Variants in SMG7 observed in about 807,000 individuals in gnomAD.
SMG7 encodes the protein SMG7 nonsense mediated mRNA decay factor, also known as nonsense-mediated mRNA decay factor SMG7.
SMG7 carries 34 observed loss-of-function variants against 148.2 expected under a neutral mutation model. The ratio of observed to expected loss-of-function variants is 0.23; its 90% CI spans 0.17 to 0.31. The LOEUF is 0.31. Among genes scored for constraint, SMG7 ranks in the 10% least tolerant of loss-of-function variants. SMG7 has a pLI of 1.00. For missense variants in SMG7, 1,114 were observed against 1,408.4 expected (o/e 0.79, Z 3.35); for synonymous variants, 492 against 515.1 (o/e 0.96, Z 0.61).
At position 183,512,182 on chromosome 1, in the gene SMG7, C is replaced by G. The variant is rs560709223; in HGVS notation, c.30-655C>G. Reference sequence around the variant, plus strand: ...GATCCAAATGAAGTGAGGGAAGTCTCAAAATTGGTGCAAGGGAAGGGGTAA... The same window carrying G: ...GATCCAAATGAAGTGAGGGAAGTCTGAAAATTGGTGCAAGGGAAGGGGTAA... On this transcript the variant is annotated intron_variant, in intron 1 of 22. Coordinates refer to ENST00000688051, the MANE Select transcript of SMG7 (RefSeq NM_001375584.1). Among the ~76,000 whole-genome samples, 4 of 152,134 alleles carry G rather than the reference C, an allele frequency of 2.6e-5. No individual in the cohort carries two copies. The South Asian group carries it at 8.3e-4, about 32-fold the overall frequency.
Position 183,533,814 on chromosome 1 carries a change from T to C in SMG7, c.1145T>C (p.Val382Ala), listed in dbSNP as rs1379953822. The C allele has an allele frequency of 6.2e-7, 1 of 1,610,702 alleles. No individual in the cohort carries two copies. The highest frequency in any genetic ancestry group is 8.5e-7 in the Non-Finnish European group (1 of 1,178,102). The change falls in exon 10 of 23, where the codon GTG becomes GCG. Residue 382 changes from valine to alanine, a missense_variant. By Grantham distance (64) the Val-to-Ala change is moderately conservative. Coordinates refer to ENST00000688051, the MANE Select transcript of SMG7 (RefSeq NM_001375584.1). ...RLRPRVFQEAVVDERQYIWPW... is the reference protein window; with the variant it reads ...RLRPRVFQEAAVDERQYIWPW... ...AGACCCAGGGTCTTTCAGGAGGCAG[T>C]GGTGGATGAAAGACAGTAGTAAGTA... is the stretch of plus-strand genomic sequence containing the variant.
Position 183,553,773 on chromosome 1 carries a change from C to G in SMG7, c.*1842C>G, listed in dbSNP as rs1671448807. ...TTCCCTGTGTCCACCTTTCTCTCCTCTTCCCAAGCCTTTTTCCTACTACCT... is the reference window on the plus strand; with the variant it reads ...TTCCCTGTGTCCACCTTTCTCTCCTGTTCCCAAGCCTTTTTCCTACTACCT... On this transcript the variant is annotated 3_prime_UTR_variant, in exon 23 of 23. Coordinates refer to ENST00000688051, the MANE Select transcript of SMG7 (RefSeq NM_001375584.1). 6.5e-6 allele frequency: 1 copy of G among 152,972 alleles called. No homozygotes were observed. 9.5% of individuals were successfully genotyped at this position (152,972 alleles called of 1,614,324 possible).
At chr1:183,478,471 C>G (rs1247427433) in intron 1 of SMG7, among the ~76,000 whole-genome samples, 3 of 152,076 alleles carry the variant, frequency 2.0e-5, no homozygotes, top group Non-Finnish European at 1.5e-5. Flanking sequence ...TTCTGCTTCC[C>G]TTGTGGTTTC....
intron 1 of SMG7, among the ~76,000 whole-genome samples, chr1:183,489,760 A>G (rs1038163238): frequency 6.6e-6 from 1 of 152,224 alleles, no homozygotes; most frequent in Non-Finnish European, 1.5e-5. Context: ...AGTAATAAAG[A>G]TCAACTTCTA....
At chr1:183,515,382 A>C (rs1381498871) in intron 2 of SMG7, among the ~76,000 whole-genome samples, 1 of 152,176 alleles carries the variant, frequency 6.6e-6, no homozygotes, top group African/African-American at 2.4e-5. Context: ...TAATCAGCTG[A>C]TGTGAGAATT....
chr1:183,543,026 G>T (rs1269377299), intron 14 of SMG7, among the ~76,000 whole-genome samples: 4 of 149,788 alleles, frequency 2.7e-5, no homozygotes, highest in Admixed American at 1.3e-4. Flanking sequence ...ACTTGTCCCG[G>T]CTATTGGTAT....
In SMG7 at chr1:183,528,983, G is replaced by T; in HGVS notation, c.648G>T (p.Lys216Asn). 1 of 1,613,570 alleles carries T rather than the reference G, an allele frequency of 6.2e-7. No individual in the cohort carries two copies. The highest frequency in any genetic ancestry group is 8.5e-7 in the Non-Finnish European group (1 of 1,179,642). Residue 216 changes from lysine (K) to asparagine (N), a missense_variant, in exon 7 of 23, where the codon AAG becomes AAT. This residue lies in a region of SMG7 where 216 missense variants were observed against 329.1 expected (regional missense o/e 0.66). Transcript: ENST00000688051. Reference protein sequence around the residue: ...IFYYCRSIAVKFPFPAASTNL... With the variant: ...IFYYCRSIAVNFPFPAASTNL... The stretch of plus-strand genomic sequence containing the variant: ...ACTACTGCAGAAGCATTGCTGTGAA[G>T]TTCCCTTTCCCAGCTGCCTCCACTA...
intron 5 of SMG7, 140 bp downstream of exon 5, chr1:183,526,907 A>G (rs1665980556): frequency 1.6e-6 from 1 of 635,632 alleles, no homozygotes; most frequent in East Asian, 3.2e-5. Flanking sequence ...AATGTATTCT[A>G]AGGAACTTAA....
Position 183,554,077 on chromosome 1 carries a change from C to A in SMG7, c.*2146C>A, listed in dbSNP as rs1210674648. 1 of 152,530 alleles carries A rather than the reference C, an allele frequency of 6.6e-6. No individual in the cohort carries two copies. Among genetic ancestry groups the A allele is most frequent in the East Asian group, 1.9e-4 (1 of 5,176 alleles). The allele number at this position is 152,530 out of a possible 1,614,324, so 9.4% of individuals were successfully genotyped here. A position where few individuals can be genotyped will look rare whatever the true frequency, so the allele number is the denominator to read the frequency against. ...AAACTGGTTTTGTGTAGTAAACTTT[C>A]TTTTGTGGTTTTTTGTTTTGTTTTC... is the stretch of plus-strand genomic sequence containing the variant. On this transcript the variant is annotated 3_prime_UTR_variant, in exon 23 of 23. Coordinates refer to ENST00000688051, the MANE Select transcript of SMG7 (RefSeq NM_001375584.1).
At chr1:183,516,379 A>G (rs1045364778) in intron 3 of SMG7, among the ~76,000 whole-genome samples, 7 of 152,360 alleles carry the variant, frequency 4.6e-5, no homozygotes, top group East Asian at 1.9e-4. Flanking sequence ...ACGTGATTCT[A>G]TAATTTCCCT....
intron 1 of SMG7, among the ~76,000 whole-genome samples, chr1:183,505,008 T>A (rs1660581131): frequency 6.6e-6 from 1 of 152,106 alleles, no homozygotes; most frequent in African/African-American, 2.4e-5. Context: ...TATTTTCTCC[T>A]ATTTTTTATT....
intron 6 of SMG7, 150 bp from the exon 7 acceptor site, chr1:183,528,742 G>A: frequency 1.5e-6 from 1 of 651,672 alleles, no homozygotes; most frequent in Non-Finnish European, 2.7e-6. Context: ...TGTGCTGTTG[G>A]ACCTTACGCT....
At chr1:183,529,116 G>A in intron 7 of SMG7, 74 bp downstream of exon 7, 1 of 1,427,076 alleles carries the variant, frequency 7.0e-7, no homozygotes, top group Non-Finnish European at 9.5e-7. Flanking sequence ...CTCATAATTT[G>A]GTTTACAGAA....
intron 1 of SMG7, among the ~76,000 whole-genome samples, chr1:183,488,458 A>G (rs755780392): frequency 1.5e-4 from 23 of 152,212 alleles, no homozygotes; most frequent in Non-Finnish European, 2.8e-4. Context: ...TATCAGTAAC[A>G]GTGGTATTGA....
At chr1:183,478,129 A>G (rs145214973) in intron 1 of SMG7, among the ~76,000 whole-genome samples, 2 of 152,246 alleles carry the variant, frequency 1.3e-5, no homozygotes, top group East Asian at 3.9e-4. Flanking sequence ...GGAGGAATAT[A>G]TAAATAGGAT....
chr1:183,513,512 T>C (rs1662680554), intron 2 of SMG7, among the ~76,000 whole-genome samples: 1 of 151,848 alleles, frequency 6.6e-6, no homozygotes, highest in South Asian at 2.1e-4. Context: ...GGTGTGATTA[T>C]AGGCACACGC....
Position 183,552,689 on chromosome 1 carries a change from G to T in SMG7, c.*758G>T. Reference sequence around the variant, plus strand: ...GATACAGTGTGGGTGGTGGTGCTGGGCTGGACTAGCAGGTAGACTGCTGTA... The same window carrying T: ...GATACAGTGTGGGTGGTGGTGCTGGTCTGGACTAGCAGGTAGACTGCTGTA... On this transcript the variant is annotated 3_prime_UTR_variant, in exon 23 of 23. Transcript: ENST00000688051. The T allele has an allele frequency of 8.3e-7, 1 of 1,207,894 alleles. No homozygotes were observed. Among genetic ancestry groups the T allele is most frequent in the Middle Eastern group, 3.4e-4 (1 of 2,922 alleles). The allele number at this position is 1,207,894 out of a possible 1,614,324, so 74.8% of individuals were successfully genotyped here. A position where few individuals can be genotyped will look rare whatever the true frequency, so the allele number is the denominator to read the frequency against.
intron 10 of SMG7, 32 bp downstream of exon 10, chr1:183,533,864 T>G (rs1004081980): frequency 1.9e-6 from 3 of 1,576,898 alleles, no homozygotes; most frequent in South Asian, 1.1e-5. Context: ...TGTTAACTTG[T>G]GTGCTTTGTT....
In SMG7 at chr1:183,553,352, A is replaced by G. The variant is rs1671353712; in HGVS notation, c.*1421A>G. On this transcript the variant is annotated 3_prime_UTR_variant, in exon 23 of 23. Transcript: ENST00000688051. ...AATCTAATTGTTCAATTGCTGTGCTAGTGGTAGGGTTTATTTTCTGGGAGG... is the reference window on the plus strand; with the variant it reads ...AATCTAATTGTTCAATTGCTGTGCTGGTGGTAGGGTTTATTTTCTGGGAGG... 2.3e-6 allele frequency: 2 copies of G among 852,656 alleles called. No homozygotes were observed. The highest frequency in any genetic ancestry group is 3.6e-5 in the South Asian group (2 of 55,048). The allele number at this position is 852,656 out of a possible 1,614,324, so 52.8% of individuals were successfully genotyped here.
Sources: gnomAD v4.1 joint callset for allele counts (sites outside exome capture counted in the v4.1 genomes callset) on GRCh38, gnomAD v4.1.1 for gene constraint, gnomAD v4.1.1 regional missense constraint, MANE v1.5 for transcripts, NCBI Gene and HGNC (gene_info 2026-07-23, HGNC 2026-07-21) for gene names.